PARD3: variants seen among roughly 807,000 people sequenced by gnomAD.
PARD3 encodes the protein par-3 family cell polarity regulator.
A neutral mutation model predicts 155.4 loss-of-function variants in PARD3; 75 were observed. The observed-to-expected ratio is 0.48, with a 90% CI of 0.40 to 0.58. The LOEUF (loss-of-function observed/expected upper bound fraction) is 0.58, where lower values mean the gene tolerates loss of function less well. PARD3 is among the 20% of genes least tolerant of loss of function. The pLI is 0.00. For missense variants in PARD3, 1,642 were observed against 1,721.7 expected (o/e 0.95, Z 0.82); for synonymous variants, 576 against 610.5 (o/e 0.94, Z 0.83).
chr10:34,516,923 G>A lies in PARD3; in HGVS notation c.403+56C>T, dbSNP rs924887480. 6.0e-6 allele frequency: 9 copies of A among 1,491,472 alleles called. No homozygotes were observed. The African/African-American group carries it at 9.7e-5, about 16-fold the overall frequency. The allele number at this position is 1,491,472 out of a possible 1,614,324, so 92.4% of individuals were successfully genotyped here. A position where few individuals can be genotyped will look rare whatever the true frequency, so the allele number is the denominator to read the frequency against. On this transcript the variant is annotated intron_variant, in intron 3 of 24. Transcript: ENST00000374788. ...ACAGGGTCATGGATGAATAACAAAA[G>A]TTGGTATTCCTGTAAATTAAGATGA... is the stretch of plus-strand genomic sequence containing the variant.
chr10:34,198,484 GTGTA>G (rs1307009771), intron 22 of PARD3, among the ~76,000 whole-genome samples: 4 of 145,552 alleles, frequency 2.7e-5, no homozygotes, highest in Admixed American at 6.8e-5. Flanking sequence ...GTGTGTGTGT[GTGTA>G]TGTGTGTGTG....
At chr10:34,578,998 C>T (rs1054006230) in intron 2 of PARD3, among the ~76,000 whole-genome samples, 8 of 152,258 alleles carry the variant, frequency 5.3e-5, no homozygotes, top group South Asian at 2.1e-4. Context: ...TAAGGCTGCG[C>T]GCAGTAGCTC....
At chr10:34,430,725 G>T (rs2075857107) in intron 5 of PARD3, among the ~76,000 whole-genome samples, 1 of 152,188 alleles carries the variant, frequency 6.6e-6, no homozygotes, top group South Asian at 2.1e-4. Flanking sequence ...GTCCGCTATG[G>T]TATTAAAGCT....
intron 3 of PARD3, among the ~76,000 whole-genome samples, chr10:34,486,777 C>T (rs2079503162): frequency 1.3e-5 from 2 of 152,038 alleles, no homozygotes; most frequent in African/African-American, 4.8e-5. Context: ...GTCTGAGTGA[C>T]CATTACCCTT....
chr10:34,140,542 T>C (rs1249969688), intron 22 of PARD3, among the ~76,000 whole-genome samples: 1 of 152,174 alleles, frequency 6.6e-6, no homozygotes. Flanking sequence ...TAGTTAAGCA[T>C]GAGGCCAAGC....
At chr10:34,618,571 A>T (rs1019668935) in intron 2 of PARD3, among the ~76,000 whole-genome samples, 4 of 152,202 alleles carry the variant, frequency 2.6e-5, no homozygotes, top group Non-Finnish European at 5.9e-5. Flanking sequence ...TTTAAAAAAA[A>T]AACTGGACCC....
intron 4 of PARD3, among the ~76,000 whole-genome samples, chr10:34,465,356 C>A (rs2077944303): frequency 6.6e-6 from 1 of 152,044 alleles, no homozygotes; most frequent in Non-Finnish European, 1.5e-5. Flanking sequence ...AAAAATACTT[C>A]AAAAATGTTT....
intron 1 of PARD3, among the ~76,000 whole-genome samples, chr10:34,714,466 G>A (rs1158433534): frequency 1.3e-5 from 2 of 152,136 alleles, no homozygotes; most frequent in African/African-American, 4.8e-5. Flanking sequence ...ACCCCACACT[G>A]CGTGGGGTCC....
chr10:34,206,875 T>C (rs548894931), intron 22 of PARD3, among the ~76,000 whole-genome samples: 55 of 152,156 alleles, frequency 3.6e-4, no homozygotes, highest in Non-Finnish European at 2.8e-4. Context: ...TGGTCTGGAG[T>C]AAAGTCTCAC....
chr10:34,640,541 C>G (rs2092636966), intron 2 of PARD3, among the ~76,000 whole-genome samples: 1 of 151,386 alleles, frequency 6.6e-6, no homozygotes, highest in Non-Finnish European at 1.5e-5. Context: ...GAAACCCTCT[C>G]TATACTAAAA....
intron 3 of PARD3, among the ~76,000 whole-genome samples, chr10:34,490,725 A>G (rs16935451): frequency 0.056 from 8,565 of 152,192 alleles, 811 homozygotes; most frequent in African/African-American, 0.2. Context: ...ACTAACCTCA[A>G]CAAAAAGTGG....
intron 2 of PARD3, among the ~76,000 whole-genome samples, chr10:34,674,306 C>T (rs753128811): frequency 3.3e-5 from 5 of 152,022 alleles, no homozygotes; most frequent in Non-Finnish European, 5.9e-5. Flanking sequence ...AATAACCTGC[C>T]CCTTAATTTG....
rs145732947 is a variant in PARD3 at position 34,803,639 on chromosome 10, T to C, written c.120+11237A>G. On this transcript the variant is annotated intron_variant, in intron 1 of 24. Transcript: ENST00000374788. The stretch of plus-strand genomic sequence containing the variant: ...GAACATGGTGAAACCCCATCTCTAC[T>C]AAAAATACAAAAATTTAGCCAGGTG... 8.2e-3 allele frequency among the ~76,000 whole-genome samples: 1,175 copies of C among 142,870 alleles called. 15 individuals are homozygous for C. Among genetic ancestry groups the C allele is most frequent in the African/African-American group, 0.028 (1,075 of 38,784 alleles). The allele number at this position is 142,870 out of a possible 152,430, so 93.7% of individuals were successfully genotyped here.
At chr10:34,573,546 C>G (rs2086605975) in intron 2 of PARD3, among the ~76,000 whole-genome samples, 1 of 151,846 alleles carries the variant, frequency 6.6e-6, no homozygotes, top group Non-Finnish European at 1.5e-5. Flanking sequence ...TACCAAAAGA[C>G]AAAAAATAAA....
intron 2 of PARD3, among the ~76,000 whole-genome samples, chr10:34,688,649 G>C (rs1483415486): frequency 6.6e-6 from 1 of 152,058 alleles, no homozygotes; most frequent in African/African-American, 2.4e-5. Context: ...TACTCCAAGG[G>C]GCCAGGGTAA....
intron 22 of PARD3, among the ~76,000 whole-genome samples, chr10:34,258,688 T>C (rs1011477828): frequency 6.6e-5 from 10 of 152,066 alleles, no homozygotes; most frequent in African/African-American, 2.4e-4. Context: ...GAAATAGCAG[T>C]GGTCCAGAGC....
At chr10:34,481,228 C>A (rs945353357) in intron 3 of PARD3, among the ~76,000 whole-genome samples, 3 of 151,100 alleles carry the variant, frequency 2.0e-5, no homozygotes, top group Non-Finnish European at 4.4e-5. Flanking sequence ...TTATTTTTAT[C>A]ATCACCCTCC....
intron 2 of PARD3, among the ~76,000 whole-genome samples, chr10:34,575,429 T>G (rs1455580967): frequency 5.3e-5 from 8 of 152,138 alleles, no homozygotes; most frequent in Non-Finnish European, 1.0e-4. Context: ...TTGGAAAAAT[T>G]TGGTAGACAC....
chr10:34,743,988 C>G (rs537948540), intron 1 of PARD3, among the ~76,000 whole-genome samples: 4 of 152,134 alleles, frequency 2.6e-5, no homozygotes, highest in African/African-American at 9.7e-5. Flanking sequence ...CAGCATGTCT[C>G]GGCTAGTTAA....
Sources: allele counts gnomAD v4.1 joint callset (sites outside exome capture counted in the v4.1 genomes callset), GRCh38; gene constraint gnomAD v4.1.1; transcripts MANE v1.5; gene names NCBI Gene and HGNC (gene_info 2026-07-23, HGNC 2026-07-21).